Variants in SPAG16 observed in about 807,000 individuals in gnomAD.
The protein encoded by SPAG16 is sperm associated antigen 16.
In SPAG16, 86 loss-of-function variants were observed where a neutral mutation model predicts 80.4. The ratio of observed to expected loss-of-function variants is 1.07; its 90% CI spans 0.90 to 1.28. The LOEUF (loss-of-function observed/expected upper bound fraction) is 1.28. SPAG16 is among the 50% of genes most tolerant of loss of function. The probability of loss-of-function intolerance (pLI) is 0.00; values close to 1 mark genes in which losing one functional copy is unlikely to be tolerated. For synonymous variants in SPAG16, 294 were observed against 265.9 expected, an observed-to-expected ratio of 1.11 and a Z score of -1.03; for missense variants, 870 against 765.3, an observed-to-expected ratio of 1.14 and a Z score of -1.61.
chr2:213,742,906 G>A (rs954128030), intron 10 of SPAG16, among the ~76,000 whole-genome samples: 2 of 145,294 alleles, frequency 1.4e-5, no homozygotes, highest in African/African-American at 2.6e-5. Context: ...TTAACATGCC[G>A]TATTGTTGTT....
At chr2:213,885,538 G>A (rs957041560) in intron 11 of SPAG16, among the ~76,000 whole-genome samples, 68 of 152,172 alleles carry the variant, frequency 4.5e-4, no homozygotes, top group African/African-American at 1.6e-3. Context: ...GTTCTTTTCC[G>A]TGAGACTTTT....
chr2:213,556,348 C>A (rs1275448352), intron 10 of SPAG16, among the ~76,000 whole-genome samples: 7 of 147,822 alleles, frequency 4.7e-5, no homozygotes, highest in African/African-American at 1.7e-4. Context: ...CTATATGCTG[C>A]CTACAAGAGC....
intron 10 of SPAG16, among the ~76,000 whole-genome samples, chr2:213,859,267 CA>C (rs1425165778): frequency 7.3e-6 from 1 of 137,204 alleles, no homozygotes; most frequent in Non-Finnish European, 1.5e-5. Context: ...CTACTATTAG[CA>C]CAAGAAAATG....
intron 6 of SPAG16, among the ~76,000 whole-genome samples, chr2:213,343,773 T>C (rs935009376): frequency 8.6e-5 from 13 of 151,796 alleles, no homozygotes; most frequent in African/African-American, 2.9e-4. Context: ...GACAGGAAGA[T>C]GGAAAATGAT....
At chr2:213,837,007 T>C (rs1311904988) in intron 10 of SPAG16, among the ~76,000 whole-genome samples, 1 of 152,136 alleles carries the variant, frequency 6.6e-6, no homozygotes, top group Non-Finnish European at 1.5e-5. Flanking sequence ...TTTCTCTGGG[T>C]CAGCTTCAGG....
At chr2:213,405,563 C>G (rs1193749615) in intron 9 of SPAG16, among the ~76,000 whole-genome samples, 1 of 152,178 alleles carries the variant, frequency 6.6e-6, no homozygotes, top group Non-Finnish European at 1.5e-5. Flanking sequence ...CTCTCAAACA[C>G]TAGAACTTAT....
chr2:214,181,307 T>A (rs540499277), intron 15 of SPAG16, among the ~76,000 whole-genome samples: 1 of 151,850 alleles, frequency 6.6e-6, no homozygotes, highest in Admixed American at 6.6e-5. Context: ...GAACATGATG[T>A]AATGAACAGA....
At chr2:214,271,794 A>G (rs1032088371) in intron 15 of SPAG16, among the ~76,000 whole-genome samples, 1 of 151,522 alleles carries the variant, frequency 6.6e-6, no homozygotes, top group Admixed American at 6.6e-5. Flanking sequence ...GAGTGAAACT[A>G]TGTCTCAGAA....
chr2:214,281,227 TA>T, intron 15 of SPAG16: 1 of 319,756 alleles, frequency 3.1e-6, no homozygotes, highest in Non-Finnish European at 6.1e-6. Context: ...TTCATGTGCA[TA>T]TGCTATGCAG....
chr2:214,067,954 A>G (rs1307866786), intron 13 of SPAG16, among the ~76,000 whole-genome samples: 1 of 152,200 alleles, frequency 6.6e-6, no homozygotes, highest in African/African-American at 2.4e-5. Flanking sequence ...TGTAAATAGA[A>G]TTCAAATTAG....
intron 12 of SPAG16, among the ~76,000 whole-genome samples, chr2:213,988,687 A>G (rs1214510374): frequency 6.6e-5 from 10 of 152,070 alleles, no homozygotes; most frequent in African/African-American, 2.4e-4. Flanking sequence ...AAATTAAAAA[A>G]AAAAACATTC....
chr2:214,370,865 T>C (rs1049215528), intron 15 of SPAG16, among the ~76,000 whole-genome samples: 1 of 152,146 alleles, frequency 6.6e-6, no homozygotes, highest in Non-Finnish European at 1.5e-5. Flanking sequence ...GAGCAAACTA[T>C]AATAACACAA....
intron 10 of SPAG16, among the ~76,000 whole-genome samples, chr2:213,536,861 C>T (rs536443543): frequency 6.6e-6 from 1 of 152,168 alleles, no homozygotes; most frequent in East Asian, 1.9e-4. Flanking sequence ...GACACATGCA[C>T]ACGTATGTTT....
intron 10 of SPAG16, among the ~76,000 whole-genome samples, chr2:213,667,191 G>A (rs1354920281): frequency 2.0e-5 from 3 of 152,110 alleles, no homozygotes; most frequent in Non-Finnish European, 2.9e-5. Context: ...TATCAGTCAC[G>A]GACTGGAACC....
chr2:214,335,543 A>C (rs963089663), intron 15 of SPAG16, among the ~76,000 whole-genome samples: 3 of 151,766 alleles, frequency 2.0e-5, no homozygotes, highest in Non-Finnish European at 4.4e-5. Context: ...TGATTATTTT[A>C]GTGACGATGC....
chr2:213,715,048 T>C (rs929140856), intron 10 of SPAG16, among the ~76,000 whole-genome samples: 1 of 152,156 alleles, frequency 6.6e-6, no homozygotes, highest in Non-Finnish European at 1.5e-5. Flanking sequence ...GTTCCTATGA[T>C]GGGATTTGCT....
chr2:214,056,258 T>C (rs1009766929), intron 13 of SPAG16, among the ~76,000 whole-genome samples: 7 of 150,866 alleles, frequency 4.6e-5, no homozygotes, highest in Non-Finnish European at 8.9e-5. Flanking sequence ...TGAATTTTTT[T>C]TTGCACAAGA....
intron 10 of SPAG16, among the ~76,000 whole-genome samples, chr2:213,670,034 G>C (rs2063758459): frequency 6.7e-6 from 1 of 149,992 alleles, no homozygotes; most frequent in Admixed American, 6.6e-5. Flanking sequence ...GTTTCGCTCT[G>C]TCACGCAGGC....
At chr2:213,633,020 T>C (rs1188728190) in intron 10 of SPAG16, among the ~76,000 whole-genome samples, 1 of 152,156 alleles carries the variant, frequency 6.6e-6, no homozygotes, top group East Asian at 1.9e-4. Flanking sequence ...CCTTTGTTTT[T>C]TAGAATATTT....
Sources: gnomAD v4.1 joint callset for allele counts (sites outside exome capture counted in the v4.1 genomes callset) on GRCh38, gnomAD v4.1.1 for gene constraint, MANE v1.5 for transcripts, NCBI Gene and HGNC (gene_info 2026-07-23, HGNC 2026-07-21) for gene names.